Variants in VEGFC observed in about 807,000 individuals in gnomAD.
VEGFC encodes the protein FLT4 ligand DHM.
In VEGFC, 12 loss-of-function variants were observed where a neutral mutation model predicts 46.1. That is an observed-to-expected ratio of 0.26 (90% CI 0.17 to 0.42). VEGFC has a LOEUF of 0.42. Among genes scored for constraint, VEGFC ranks in the 10% least tolerant of loss-of-function variants. The pLI is 1.00. For missense variants in VEGFC, 488 were observed against 529.4 expected (o/e 0.92, Z 0.77); for synonymous variants, 232 against 195.5 (o/e 1.19, Z -1.56).
At chr4:176,721,478 A>T (rs1475789430) in intron 3 of VEGFC, among the ~76,000 whole-genome samples, 1 of 152,198 alleles carries the variant, frequency 6.6e-6, no homozygotes, top group Non-Finnish European at 1.5e-5. Flanking sequence ...GGAAAGGAAG[A>T]ATGGAGGTAG....
At chr4:176,755,414 A>G (rs950027886) in intron 1 of VEGFC, among the ~76,000 whole-genome samples, 2 of 151,990 alleles carry the variant, frequency 1.3e-5, no homozygotes, top group Non-Finnish European at 2.9e-5. Flanking sequence ...GATAAGTCTG[A>G]GTTGTGTGTT....
At chr4:176,760,148 G>A (rs1191114437) in intron 1 of VEGFC, among the ~76,000 whole-genome samples, 1 of 152,070 alleles carries the variant, frequency 6.6e-6, no homozygotes, top group Non-Finnish European at 1.5e-5. Context: ...GAAATAATAG[G>A]TTTTATTTTC....
chr4:176,750,874 T>A (rs560391817), intron 1 of VEGFC, among the ~76,000 whole-genome samples: 1 of 151,670 alleles, frequency 6.6e-6, no homozygotes, highest in East Asian at 1.9e-4. Flanking sequence ...CTGCAAAAAA[T>A]TTCTATACGT....
At position 176,683,794 on chromosome 4, in the gene VEGFC, A is replaced by G. The variant is rs1733984887; in HGVS notation, c.*132T>C. 3 of 674,010 alleles carry G rather than the reference A, an allele frequency of 4.5e-6. No individual in the cohort carries two copies. Among genetic ancestry groups the G allele is most frequent in the Admixed American group, 5.0e-5 (2 of 40,224 alleles). 41.8% of individuals were successfully genotyped at this position (674,010 alleles called of 1,614,324 possible). A position where few individuals can be genotyped will look rare whatever the true frequency, so the allele number is the denominator to read the frequency against. On this transcript the variant is annotated 3_prime_UTR_variant, in exon 7 of 7. Transcript: ENST00000618562. ...AGTCCATTTCTGTAAAGTTATCCACATGGTTCAGGAAAGACAGACTTTTGT... is the reference window on the plus strand; with the variant it reads ...AGTCCATTTCTGTAAAGTTATCCACGTGGTTCAGGAAAGACAGACTTTTGT...
At chr4:176,695,043 G>A (rs1157624775) in intron 4 of VEGFC, among the ~76,000 whole-genome samples, 9 of 122,934 alleles carry the variant, frequency 7.3e-5, no homozygotes, top group African/African-American at 1.4e-4. Flanking sequence ...ATCCAAAATT[G>A]ACACCCTAAC....
intron 6 of VEGFC, among the ~76,000 whole-genome samples, chr4:176,685,959 G>A (rs542296326): frequency 2.9e-4 from 44 of 152,166 alleles, no homozygotes; most frequent in Non-Finnish European, 4.6e-4. Flanking sequence ...AGATGAACTC[G>A]TTATATACTG....
chr4:176,758,522 C>T (rs1735473192), intron 1 of VEGFC, among the ~76,000 whole-genome samples: 1 of 152,120 alleles, frequency 6.6e-6, no homozygotes, highest in African/African-American at 2.4e-5. Flanking sequence ...GTCTTACTGA[C>T]TAGAACTGAA....
intron 3 of VEGFC, among the ~76,000 whole-genome samples, chr4:176,726,428 C>A (rs1164376715): frequency 1.3e-5 from 2 of 151,834 alleles, no homozygotes; most frequent in Non-Finnish European, 2.9e-5. Flanking sequence ...TTTTTTTAAC[C>A]TTTAGAGTTG....
At position 176,711,635 on chromosome 4, in the gene VEGFC, C is replaced by A; in HGVS notation, c.568G>T (p.Val190Leu). The change falls in exon 4 of 7, where the codon GTG (valine) becomes TTG (leucine). Residue 190 changes from valine to leucine, a missense_variant. Physicochemically the swap from Val to Leu is conservative, Grantham distance 32. Transcript: ENST00000618562. ...GGTTTGGGGCCTTGAGAGAGAGGCACTGTAATTTCAAATAACTACAAAGAA... is the reference window on the plus strand; with the variant it reads ...GGTTTGGGGCCTTGAGAGAGAGGCAATGTAATTTCAAATAACTACAAAGAA... Reference protein sequence around the residue: ...YLSKTLFEITVPLSQGPKPVT... With the variant: ...YLSKTLFEITLPLSQGPKPVT... 4.3e-6 allele frequency: 7 copies of A among 1,612,620 alleles called. No individual in the cohort carries two copies. The highest frequency in any genetic ancestry group is 5.9e-6 in the Non-Finnish European group (7 of 1,179,390).
At chr4:176,780,387 A>AAAAAAAAAAAAAAAAAAAC (rs541639588) in intron 1 of VEGFC, among the ~76,000 whole-genome samples, 9 of 114,782 alleles carry the variant, frequency 7.8e-5, no homozygotes, top group East Asian at 5.5e-4. Flanking sequence ...ATCTCAAAAA[A>AAAAAAAAAAAAAAAAAAAC]AAAAAAAAAA....
intron 3 of VEGFC, among the ~76,000 whole-genome samples, chr4:176,721,836 C>G (rs1734792625): frequency 6.6e-6 from 1 of 151,738 alleles, no homozygotes; most frequent in Non-Finnish European, 1.5e-5. Context: ...GTATAGAAAT[C>G]AGGAAAGAAG....
At chr4:176,768,971 A>G (rs766063433) in intron 1 of VEGFC, among the ~76,000 whole-genome samples, 9 of 152,006 alleles carry the variant, frequency 5.9e-5, no homozygotes, top group African/African-American at 2.2e-4. Flanking sequence ...ACATGTTAAA[A>G]TATCAACCCC....
chr4:176,744,441 A>G (rs376411990), intron 1 of VEGFC, among the ~76,000 whole-genome samples: 3 of 152,152 alleles, frequency 2.0e-5, no homozygotes, highest in East Asian at 1.9e-4. Flanking sequence ...TCTGAATGGA[A>G]AAGTAACTCT....
At chr4:176,704,805 T>A (rs977670292) in intron 4 of VEGFC, among the ~76,000 whole-genome samples, 3 of 152,176 alleles carry the variant, frequency 2.0e-5, no homozygotes, top group African/African-American at 7.2e-5. Flanking sequence ...CATATGTGAT[T>A]CTGTTGACCT....
At chr4:176,791,387 T>C (rs1211763526) in intron 1 of VEGFC, among the ~76,000 whole-genome samples, 1 of 152,140 alleles carries the variant, frequency 6.6e-6, no homozygotes, top group Non-Finnish European at 1.5e-5. Context: ...AAATCCTTTT[T>C]CAAAATCAGG....
In VEGFC at chr4:176,696,432, G is replaced by A. The variant is rs528128359; in HGVS notation, c.705-8505C>T. Among the ~76,000 whole-genome samples the A allele has an allele frequency of 1.7e-4, 25 of 145,408 alleles. No homozygotes were observed. In the East Asian group the frequency reaches 5.1e-3, roughly 30 times the overall value. ...CCTAGGAATCCAACTTACAAGGGAT[G>A]TGAAGGACCTCTTCAAGGAGAACTA... On this transcript the variant is annotated intron_variant, in intron 4 of 6. Coordinates refer to ENST00000618562, the MANE Select transcript of VEGFC (RefSeq NM_005429.5).
chr4:176,777,989 AAATGTGCCT>A (rs930441160), intron 1 of VEGFC, among the ~76,000 whole-genome samples: 4 of 151,786 alleles, frequency 2.6e-5, no homozygotes, highest in Admixed American at 6.6e-5. Flanking sequence ...TTTATAGTCA[AAATGTGCCT>A]AAATATATGG....
At chr4:176,786,685 T>G (rs1736006854) in intron 1 of VEGFC, among the ~76,000 whole-genome samples, 1 of 152,232 alleles carries the variant, frequency 6.6e-6, no homozygotes, top group Non-Finnish European at 1.5e-5. Context: ...ATTTTTTGCA[T>G]CACACACTGA....
intron 4 of VEGFC, chr4:176,705,812 C>G (rs1412002027): frequency 6.6e-6 from 1 of 151,972 alleles, no homozygotes; most frequent in Non-Finnish European, 1.5e-5. Flanking sequence ...TGGTATAATG[C>G]TATTGAACAG....
Sources: gnomAD v4.1 joint callset for allele counts (sites outside exome capture counted in the v4.1 genomes callset) on GRCh38, gnomAD v4.1.1 for gene constraint, MANE v1.5 for transcripts, NCBI Gene and HGNC (gene_info 2026-07-23, HGNC 2026-07-21) for gene names.